The following CLSTN2 variants were observed in gnomAD, a reference collection of about 807,000 sequenced individuals.
CLSTN2 encodes the protein calsyntenin-2.
Under a neutral mutation model 101.2 loss-of-function variants are expected in CLSTN2, and 48 were observed. That is an observed-to-expected ratio of 0.47 (90% CI 0.38 to 0.60). The LOEUF (loss-of-function observed/expected upper bound fraction) is 0.60. Ranked by LOEUF, CLSTN2 falls within the 20% of genes least tolerant of loss-of-function variation. The probability of loss-of-function intolerance (pLI) is 0.00; values close to 1 mark genes in which losing one functional copy is unlikely to be tolerated. For missense variants in CLSTN2, 1,160 were observed against 1,238.2 expected, an observed-to-expected ratio of 0.94 and a Z score of 0.95; for synonymous variants, 481 against 463.6, an observed-to-expected ratio of 1.04 and a Z score of -0.48.
chr3:140,257,292 A>G (rs948770598), intron 2 of CLSTN2, among the ~76,000 whole-genome samples: 2 of 152,202 alleles, frequency 1.3e-5, no homozygotes, highest in African/African-American at 4.8e-5. Context: ...AAGTAAAAGT[A>G]TTTAGGTGAA....
intron 2 of CLSTN2, among the ~76,000 whole-genome samples, chr3:140,365,420 T>C (rs1036547680): frequency 3.3e-5 from 5 of 152,072 alleles, no homozygotes; most frequent in African/African-American, 1.2e-4. Flanking sequence ...AAGCAAAGAA[T>C]TCTTAGTATC....
At chr3:140,363,034 A>G (rs919950804) in intron 2 of CLSTN2, among the ~76,000 whole-genome samples, 4 of 152,212 alleles carry the variant, frequency 2.6e-5, no homozygotes, top group Admixed American at 1.3e-4. Flanking sequence ...GTACATGAAT[A>G]TTAATGGAAG....
At chr3:140,293,166 G>C (rs141346288) in intron 2 of CLSTN2, among the ~76,000 whole-genome samples, 28 of 152,288 alleles carry the variant, frequency 1.8e-4, no homozygotes, top group Non-Finnish European at 3.4e-4. Flanking sequence ...AGGGATTCTT[G>C]GGAGAAGTGG....
rs1935005583 is a variant in CLSTN2, at chr3:139,935,608, T to C, written c.109+125T>C. ...CTCCCTTGCCGCAGCTTCTTTGGCC[T>C]CTGTGCGCCCTGGATTCCCGAAGTC... On this transcript the variant is annotated intron_variant, in intron 1 of 16. Coordinates refer to ENST00000458420, the MANE Select transcript of CLSTN2 (RefSeq NM_022131.3). The surrounding 1 kb of genome is among the most constrained non-coding windows in gnomAD (Gnocchi z 5.5). The C allele has an allele frequency of 2.2e-6, 1 of 444,916 alleles. No individual in the cohort carries two copies. The highest frequency in any genetic ancestry group is 3.7e-6 in the Non-Finnish European group (1 of 271,320). The allele number at this position is 444,916 out of a possible 1,614,324, so 27.6% of individuals were successfully genotyped here. A position where few individuals can be genotyped will look rare whatever the true frequency, so the allele number is the denominator to read the frequency against.
At chr3:140,145,323 A>G (rs2009765442) in intron 1 of CLSTN2, among the ~76,000 whole-genome samples, 1 of 152,220 alleles carries the variant, frequency 6.6e-6, no homozygotes, top group African/African-American at 2.4e-5. Context: ...TGAGCCTGGT[A>G]TAGCCTGATC....
chr3:140,020,896 A>T (rs1211299781), intron 1 of CLSTN2, among the ~76,000 whole-genome samples: 1 of 152,246 alleles, frequency 6.6e-6, no homozygotes, highest in South Asian at 2.1e-4. Flanking sequence ...GGCTTGGCAG[A>T]CTGCTTCGTC....
intron 1 of CLSTN2, among the ~76,000 whole-genome samples, chr3:140,172,961 A>G (rs1212851557): frequency 6.6e-6 from 1 of 152,214 alleles, no homozygotes; most frequent in African/African-American, 2.4e-5. Context: ...AAACCATATC[A>G]TTCTTTCCCT....
chr3:139,982,286 T>C (rs916958298), intron 1 of CLSTN2, among the ~76,000 whole-genome samples: 2 of 151,998 alleles, frequency 1.3e-5, no homozygotes, highest in African/African-American at 4.8e-5. Flanking sequence ...AATTATACTT[T>C]AGGGGGGCTT....
chr3:140,214,962 A>C (rs1379050305), intron 2 of CLSTN2, among the ~76,000 whole-genome samples: 1 of 152,224 alleles, frequency 6.6e-6, no homozygotes, highest in Non-Finnish European at 1.5e-5. Flanking sequence ...AAGCAACCAA[A>C]ATAACTAACA....
chr3:140,310,987 C>T (rs1280291891), intron 2 of CLSTN2, among the ~76,000 whole-genome samples: 4 of 152,148 alleles, frequency 2.6e-5, no homozygotes, highest in African/African-American at 7.2e-5. Flanking sequence ...GCCGAAGGAA[C>T]GGCCTGTGTA....
At chr3:140,547,660 A>G (rs1463879561) in intron 10 of CLSTN2, among the ~76,000 whole-genome samples, 1 of 152,140 alleles carries the variant, frequency 6.6e-6, no homozygotes, top group African/African-American at 2.4e-5. Context: ...GGGATGTGAC[A>G]GACTATGGCC....
At chr3:140,112,369 G>C (rs34340180) in intron 1 of CLSTN2, among the ~76,000 whole-genome samples, 5 of 151,394 alleles carry the variant, frequency 3.3e-5, no homozygotes, top group African/African-American at 1.2e-4. Flanking sequence ...GTGTGTGTGT[G>C]TTTTTTACTA....
chr3:140,289,042 T>C (rs1399434608), intron 2 of CLSTN2, among the ~76,000 whole-genome samples: 1 of 152,198 alleles, frequency 6.6e-6, no homozygotes, highest in African/African-American at 2.4e-5. Context: ...GAATCTTCAC[T>C]GGCTGCTCCT....
In CLSTN2 at chr3:140,166,193, T is replaced by C. The variant is rs191599584; in HGVS notation, c.110-9758T>C. Among the ~76,000 whole-genome samples, 140 of 152,336 alleles carry C rather than the reference T, an allele frequency of 9.2e-4. 1 individual carries two copies. Among genetic ancestry groups the C allele is most frequent in the African/African-American group, 3.3e-3 (137 of 41,598 alleles). The stretch of plus-strand genomic sequence containing the variant: ...AAGATTTCAAGTGCCCATTGCCAAA[T>C]GAGCTCTAGTTTCTGGCCTGTGAAA... On this transcript the variant is annotated intron_variant, in intron 1 of 16. Coordinates refer to ENST00000458420, the MANE Select transcript of CLSTN2 (RefSeq NM_022131.3).
chr3:140,429,198 AT>A (rs904040256), intron 5 of CLSTN2, among the ~76,000 whole-genome samples: 17 of 151,532 alleles, frequency 1.1e-4, no homozygotes, highest in African/African-American at 3.9e-4. Context: ...GGTGGGAAAT[AT>A]TTTTTTTTGG....
intron 10 of CLSTN2, 68 bp from the exon 11 acceptor site, chr3:140,556,445 A>G: frequency 1.3e-6 from 2 of 1,515,506 alleles, no homozygotes; most frequent in Non-Finnish European, 1.8e-6. Context: ...TATGGACAGG[A>G]AGTGCTCCCA....
At chr3:139,949,902 G>A (rs1330064519) in intron 1 of CLSTN2, among the ~76,000 whole-genome samples, 1 of 152,144 alleles carries the variant, frequency 6.6e-6, no homozygotes, top group African/African-American at 2.4e-5. Context: ...TTCCAAACAG[G>A]TCATTAAAAA....
chr3:140,455,353 C>T (rs934784010), intron 6 of CLSTN2, among the ~76,000 whole-genome samples: 1 of 152,200 alleles, frequency 6.6e-6, no homozygotes, highest in Non-Finnish European at 1.5e-5. Context: ...CCTCTGGCCT[C>T]ACCAAGGCCA....
At chr3:140,537,434 C>T (rs1935380089) in intron 9 of CLSTN2, among the ~76,000 whole-genome samples, 1 of 152,162 alleles carries the variant, frequency 6.6e-6, no homozygotes, top group East Asian at 1.9e-4. Flanking sequence ...ACCGGAAAGG[C>T]CTACAGCATG....
Sources: gnomAD v4.1 joint callset for allele counts (sites outside exome capture counted in the v4.1 genomes callset) on GRCh38, gnomAD v4.1.1 for gene constraint, Gnocchi (gnomAD v3.1) non-coding constraint, MANE v1.5 for transcripts, NCBI Gene and HGNC (gene_info 2026-07-23, HGNC 2026-07-21) for gene names.